UBAC1: variants seen among roughly 807,000 people sequenced by gnomAD.
UBAC1 encodes the protein UBA domain containing 1.
UBAC1 carries 27 observed loss-of-function variants against 45.9 expected under a neutral mutation model. The ratio of observed to expected loss-of-function variants is 0.59; its 90% confidence interval spans 0.43 to 0.81. The LOEUF (loss-of-function observed/expected upper bound fraction) is 0.81, where lower values mean the gene tolerates loss of function less well. Among genes scored for constraint, UBAC1 ranks in the 30% least tolerant of loss-of-function variants. The pLI is 0.00. For synonymous variants in UBAC1, 227 were observed against 215.5 expected (o/e 1.05, Z -0.47); for missense variants, 529 against 539.2 (o/e 0.98, Z 0.19).
At chr9:135,955,057 T>C (rs186194415) in intron 2 of UBAC1, among the ~76,000 whole-genome samples, 4 of 152,330 alleles carry the variant, frequency 2.6e-5, no homozygotes, top group Admixed American at 2.0e-4. Flanking sequence ...AAATTCACAT[T>C]TGGCTTCTCA....
At chr9:135,953,618 T>C in intron 3 of UBAC1, 62 bp downstream of exon 3, 2 of 1,461,202 alleles carry the variant, frequency 1.4e-6, no homozygotes, top group Middle Eastern at 1.8e-4. Context: ...GTACCCAGCC[T>C]GTAATTCTTA....
intron 8 of UBAC1, among the ~76,000 whole-genome samples, chr9:135,939,252 T>C (rs1588530651): frequency 6.6e-6 from 1 of 151,632 alleles, no homozygotes; most frequent in Non-Finnish European, 1.5e-5. Context: ...CCATAAAATA[T>C]GTACATATAA....
intron 3 of UBAC1, among the ~76,000 whole-genome samples, chr9:135,952,800 A>G (rs926523712): frequency 2.6e-5 from 4 of 152,228 alleles, no homozygotes; most frequent in Non-Finnish European, 4.4e-5. Flanking sequence ...CTCAAAAAGC[A>G]CCAACGAGCA....
chr9:135,937,141 C>G (rs560448879), intron 9 of UBAC1, among the ~76,000 whole-genome samples: 1 of 152,236 alleles, frequency 6.6e-6, no homozygotes, highest in South Asian at 2.1e-4. Context: ...GTGGCAAAGG[C>G]CCTCCCAACA....
intron 9 of UBAC1, among the ~76,000 whole-genome samples, chr9:135,935,906 G>C (rs1018777839): frequency 6.6e-6 from 1 of 151,906 alleles, no homozygotes; most frequent in Middle Eastern, 3.4e-3. Context: ...GGCACCTGTA[G>C]TCCCAGCTAC....
intron 3 of UBAC1, among the ~76,000 whole-genome samples, chr9:135,951,611 C>A (rs980372255): frequency 6.6e-6 from 1 of 152,004 alleles, no homozygotes; most frequent in African/African-American, 2.4e-5. Flanking sequence ...GAGATCGAGA[C>A]CAGCCTGGCC....
intron 7 of UBAC1, among the ~76,000 whole-genome samples, chr9:135,941,588 T>C (rs1165030982): frequency 1.3e-5 from 2 of 152,170 alleles, no homozygotes; most frequent in African/African-American, 4.8e-5. Flanking sequence ...CCCTCCTCAC[T>C]AGCTTCAATA....
At chr9:135,938,095 G>A (rs532592473) in intron 9 of UBAC1, 127 bp downstream of exon 9, 29 of 1,414,572 alleles carry the variant, frequency 2.1e-5, no homozygotes, top group Non-Finnish European at 2.8e-5. Context: ...ATGGCAGGAC[G>A]TGCTGCCAGC....
At chr9:135,944,734 A>G (rs1309606948) in intron 7 of UBAC1, among the ~76,000 whole-genome samples, 1 of 152,236 alleles carries the variant, frequency 6.6e-6, no homozygotes, top group African/African-American at 2.4e-5. Context: ...TAAAATATCA[A>G]GTTTTTCAAA....
intron 1 of UBAC1, among the ~76,000 whole-genome samples, chr9:135,960,463 C>A (rs1839519649): frequency 6.6e-6 from 1 of 152,134 alleles, no homozygotes; most frequent in South Asian, 2.1e-4. Flanking sequence ...CTAAAAGGCA[C>A]AGTGGCCTGG....
At chr9:135,956,641 C>T (rs908538467) in intron 1 of UBAC1, among the ~76,000 whole-genome samples, 1 of 152,136 alleles carries the variant, frequency 6.6e-6, no homozygotes, top group African/African-American at 2.4e-5. Flanking sequence ...CCAAACAGTG[C>T]CCACCTAACC....
intron 3 of UBAC1, among the ~76,000 whole-genome samples, chr9:135,949,506 C>T (rs893903813): frequency 3.9e-5 from 6 of 152,196 alleles, no homozygotes; most frequent in Non-Finnish European, 7.3e-5. Flanking sequence ...GAAGGTTCTA[C>T]AAGGAGCAGA....
At chr9:135,954,434 A>C (rs1839442639) in intron 2 of UBAC1, among the ~76,000 whole-genome samples, 1 of 152,156 alleles carries the variant, frequency 6.6e-6, no homozygotes, top group Non-Finnish European at 1.5e-5. Flanking sequence ...ACTGAGCGAC[A>C]CCCTGTCTCA....
At chr9:135,947,998 A>G (rs1013280525) in intron 3 of UBAC1, 93 bp from the exon 4 acceptor site, 11 of 1,203,060 alleles carry the variant, frequency 9.1e-6, no homozygotes, top group Non-Finnish European at 1.3e-5. Flanking sequence ...CCCAAGAAAG[A>G]CTCCGTCTCC....
At chr9:135,937,777 T>C (rs1467707546) in intron 9 of UBAC1, among the ~76,000 whole-genome samples, 2 of 152,240 alleles carry the variant, frequency 1.3e-5, no homozygotes, top group African/African-American at 2.4e-5. Flanking sequence ...ATTAGTTTTA[T>C]TCTTCTTTAA....
chr9:135,946,624 A>G (rs562709751), intron 4 of UBAC1, among the ~76,000 whole-genome samples: 22 of 152,338 alleles, frequency 1.4e-4, no homozygotes, highest in Non-Finnish European at 2.6e-4. Flanking sequence ...CCCGATACTC[A>G]GCCTGTGCCC....
chr9:135,961,321 GGCCTCAGCGGTCGCCTCGCTCCCGCC>G lies in UBAC1; in HGVS notation c.-185_-160del, dbSNP rs1372524349. On this transcript the variant is annotated 5_prime_UTR_variant, in exon 1 of 10. Transcript: ENST00000371756. ...CGGCCGGGCCGCCGTCACTCTCCGC[GGCCTCAGCGGTCGCCTCGCTCCCGCC>G]GCCGCAGCAGCCGCCGGGGGCGCGC... 2.1e-6 allele frequency: 1 copy of G among 479,020 alleles called. No individual in the cohort carries two copies. Among genetic ancestry groups the G allele is most frequent in the African/African-American group, 2.1e-5 (1 of 47,398 alleles). The allele number at this position is 479,020 out of a possible 1,614,324, so 29.7% of individuals were successfully genotyped here.
At chr9:135,933,568 G>T in intron 9 of UBAC1, 53 bp from the exon 10 acceptor site, 1 of 1,368,350 alleles carries the variant, frequency 7.3e-7, no homozygotes, top group Non-Finnish European at 1.0e-6. Flanking sequence ...TCAGCCCACA[G>T]GCACAGGCGT....
At chr9:135,939,159 C>A (rs1405290845) in intron 8 of UBAC1, among the ~76,000 whole-genome samples, 1 of 151,214 alleles carries the variant, frequency 6.6e-6, no homozygotes, top group East Asian at 1.9e-4. Flanking sequence ...TGTGATCACA[C>A]CGCTGCACTC....
Sources: allele counts gnomAD v4.1 joint callset (sites outside exome capture counted in the v4.1 genomes callset), GRCh38; gene constraint gnomAD v4.1.1; transcripts MANE v1.5; gene names NCBI Gene and HGNC (gene_info 2026-07-23, HGNC 2026-07-21).